The following CPEB3 variants were observed in gnomAD, a reference collection of about 807,000 sequenced individuals.
CPEB3 encodes cytoplasmic polyadenylation element binding protein 3.
In CPEB3, 20 loss-of-function variants were observed where a neutral mutation model predicts 67.2. The observed-to-expected ratio is 0.30, with a 90% CI of 0.21 to 0.43. The LOEUF (loss-of-function observed/expected upper bound fraction) is 0.43, where lower values mean the gene tolerates loss of function less well. Among genes scored for constraint, CPEB3 ranks in the 20% least tolerant of loss-of-function variants. CPEB3 has a pLI of 1.00. For missense variants in CPEB3, 746 were observed against 968.6 expected (o/e 0.77, Z 3.05); for synonymous variants, 376 against 393.1 (o/e 0.96, Z 0.51).
chr10:92,286,368 T>C (rs12358239), intron 1 of CPEB3, among the ~76,000 whole-genome samples: 1 of 152,016 alleles, frequency 6.6e-6, no homozygotes, highest in South Asian at 2.1e-4. Flanking sequence ...GTGGATCACT[T>C]GAGGTCAGGA....
intron 2 of CPEB3, among the ~76,000 whole-genome samples, chr10:92,221,420 G>A (rs967277354): frequency 3.3e-5 from 5 of 152,192 alleles, no homozygotes; most frequent in Non-Finnish European, 7.3e-5. Context: ...TTGAGCCCGA[G>A]AGGCAAAGCC....
At chr10:92,114,789 T>C (rs866656094) in intron 6 of CPEB3, among the ~76,000 whole-genome samples, 3 of 152,210 alleles carry the variant, frequency 2.0e-5, no homozygotes, top group Non-Finnish European at 2.9e-5. Context: ...CTCTGTCAAA[T>C]GAAGAAACCA....
At chr10:92,217,634 T>A (rs974830571) in intron 2 of CPEB3, among the ~76,000 whole-genome samples, 1 of 151,724 alleles carries the variant, frequency 6.6e-6, no homozygotes, top group Admixed American at 6.6e-5. Flanking sequence ...TGGTGGCACA[T>A]GCCTGTAATC....
intron 1 of CPEB3, among the ~76,000 whole-genome samples, chr10:92,249,320 A>C (rs1419156819): frequency 1.3e-5 from 2 of 151,696 alleles, no homozygotes; most frequent in East Asian, 3.9e-4. Flanking sequence ...CAGAGGTTGC[A>C]GTGAGCCAAG....
intron 9 of CPEB3, among the ~76,000 whole-genome samples, chr10:92,054,310 A>G (rs1475547571): frequency 2.0e-5 from 3 of 152,100 alleles, no homozygotes; most frequent in African/African-American, 7.2e-5. Context: ...AAAGATGTTC[A>G]TATTTACTCG....
At chr10:92,277,985 C>T (rs974961722) in intron 1 of CPEB3, among the ~76,000 whole-genome samples, 18 of 151,888 alleles carry the variant, frequency 1.2e-4, no homozygotes, top group African/African-American at 4.1e-4. Flanking sequence ...GAGTTCAAGA[C>T]CAGCCTGGCC....
At chr10:92,182,138 T>C (rs1410893021) in intron 3 of CPEB3, among the ~76,000 whole-genome samples, 3 of 152,252 alleles carry the variant, frequency 2.0e-5, no homozygotes, top group Non-Finnish European at 4.4e-5. Flanking sequence ...TCAAGGGTTA[T>C]CATGAAATTC....
chr10:92,250,616 T>C (rs2134780159), intron 1 of CPEB3, among the ~76,000 whole-genome samples: 1 of 152,240 alleles, frequency 6.6e-6, no homozygotes, highest in East Asian at 1.9e-4. Flanking sequence ...ACAACTTCCA[T>C]TCCTGCAAGC....
intron 7 of CPEB3, among the ~76,000 whole-genome samples, chr10:92,109,400 G>A (rs974597508): frequency 3.9e-5 from 6 of 152,034 alleles, no homozygotes; most frequent in South Asian, 4.2e-4. Flanking sequence ...TTACAGGCAC[G>A]TGCCACCACC....
At position 92,192,383 on chromosome 10, in the gene CPEB3, C is replaced by T. The variant is rs957590273; in HGVS notation, c.1165+94G>A. Reference sequence around the variant, plus strand: ...TTTACAGAAGCAAAACAAAAACAAGCAAACAAAAAACAAACCAGAAAAATC... The same window carrying T: ...TTTACAGAAGCAAAACAAAAACAAGTAAACAAAAAACAAACCAGAAAAATC... On this transcript the variant is annotated intron_variant, in intron 3 of 9. Transcript: ENST00000265997. 5.5e-6 allele frequency: 7 copies of T among 1,265,706 alleles called. No homozygotes were observed. In the African/African-American group the frequency reaches 7.6e-5, roughly 14 times the overall value. The allele number at this position is 1,265,706 out of a possible 1,614,324, so 78.4% of individuals were successfully genotyped here.
At chr10:92,133,918 C>A (rs944385553) in intron 6 of CPEB3, among the ~76,000 whole-genome samples, 4 of 151,862 alleles carry the variant, frequency 2.6e-5, no homozygotes, top group Non-Finnish European at 4.4e-5. Context: ...AACAAAAAAA[C>A]CACGATTATC....
In CPEB3 at chr10:92,048,953, A is replaced by T. The variant is rs1852192284; in HGVS notation, c.*3259T>A. On this transcript the variant is annotated 3_prime_UTR_variant, in exon 10 of 10. Transcript: ENST00000265997. This position sits in a 1 kb window ranked among gnomAD's most constrained non-coding sequence, Gnocchi z 4.1. ...GTCCCTCCCAGAAACAACTCTATTA[A>T]TGATTGAGAAAGCACTCCTTAAAGA... 6.6e-6 allele frequency: 1 copy of T among 152,642 alleles called. No individual in the cohort carries two copies. The highest frequency in any genetic ancestry group is 2.4e-5 in the African/African-American group (1 of 41,474). The allele number at this position is 152,642 out of a possible 1,614,324, so 9.5% of individuals were successfully genotyped here. A position where few individuals can be genotyped will look rare whatever the true frequency, so the allele number is the denominator to read the frequency against.
At chr10:92,283,575 A>T (rs1842393676) in intron 1 of CPEB3, among the ~76,000 whole-genome samples, 1 of 152,134 alleles carries the variant, frequency 6.6e-6, no homozygotes, top group African/African-American at 2.4e-5. Context: ...AGAACTTGTT[A>T]AAAAGACAGC....
intron 2 of CPEB3, among the ~76,000 whole-genome samples, chr10:92,209,435 G>C (rs1590393821): frequency 6.6e-6 from 1 of 152,172 alleles, no homozygotes; most frequent in African/African-American, 2.4e-5. Context: ...TGAGGCATGA[G>C]AATCGCTTGA....
intron 2 of CPEB3, among the ~76,000 whole-genome samples, chr10:92,193,125 T>C (rs1590350837): frequency 6.6e-6 from 1 of 151,832 alleles, no homozygotes; most frequent in East Asian, 1.9e-4. Context: ...GGCAGGAGAA[T>C]CACTTGAACC....
intron 2 of CPEB3, among the ~76,000 whole-genome samples, chr10:92,201,915 G>A (rs944929429): frequency 6.6e-6 from 1 of 152,088 alleles, no homozygotes; most frequent in Non-Finnish European, 1.5e-5. Flanking sequence ...TCTCATGGGA[G>A]CAGAAATGTG....
At chr10:92,124,841 T>C (rs977406306) in intron 6 of CPEB3, among the ~76,000 whole-genome samples, 5 of 152,156 alleles carry the variant, frequency 3.3e-5, no homozygotes, top group African/African-American at 1.2e-4. Flanking sequence ...TTTAGACAAG[T>C]TGAAGGAAAA....
intron 1 of CPEB3, among the ~76,000 whole-genome samples, chr10:92,262,188 C>G (rs1237929846): frequency 1.3e-5 from 2 of 152,140 alleles, no homozygotes; most frequent in Non-Finnish European, 2.9e-5. Context: ...ACCACCTGCC[C>G]TAATGCTGCT....
intron 9 of CPEB3, among the ~76,000 whole-genome samples, chr10:92,065,976 G>C (rs1842532368): frequency 1.3e-5 from 2 of 151,874 alleles, no homozygotes; most frequent in Non-Finnish European, 2.9e-5. Context: ...GCACTCCTGT[G>C]GTTCCAGCTA....
Sources: gnomAD v4.1 joint callset for allele counts (sites outside exome capture counted in the v4.1 genomes callset) on GRCh38, gnomAD v4.1.1 for gene constraint, Gnocchi (gnomAD v3.1) non-coding constraint, MANE v1.5 for transcripts, NCBI Gene and HGNC (gene_info 2026-07-23, HGNC 2026-07-21) for gene names.